Variants in GRIK2 observed in about 807,000 individuals in gnomAD.
GRIK2 encodes the protein glutamate ionotropic receptor kainate type subunit 2.
In GRIK2, 32 loss-of-function variants were observed where a neutral mutation model predicts 100.3. That is an observed-to-expected ratio of 0.32 (90% confidence interval 0.24 to 0.43). The LOEUF is 0.43. GRIK2 is among the 20% of genes least tolerant of loss of function. The pLI is 1.00. For missense variants in GRIK2, 843 were observed against 1,114.9 expected (o/e 0.76, Z 3.47); for synonymous variants, 417 against 389.4 (o/e 1.07, Z -0.83).
At chr6:102,067,527 A>T (rs972591302) in intron 16 of GRIK2, among the ~76,000 whole-genome samples, 1 of 151,742 alleles carries the variant, frequency 6.6e-6, no homozygotes. Flanking sequence ...TTTGTTTCAT[A>T]TATATGACTC....
At chr6:101,961,292 GCTCA>G (rs1202745269) in intron 14 of GRIK2, among the ~76,000 whole-genome samples, 1 of 152,110 alleles carries the variant, frequency 6.6e-6, no homozygotes, top group Non-Finnish European at 1.5e-5. Context: ...CAGCTTTGTG[GCTCA>G]CTCACCTGTA....
intron 2 of GRIK2, among the ~76,000 whole-genome samples, chr6:101,510,682 C>G (rs1774267021): frequency 6.6e-6 from 1 of 151,616 alleles, no homozygotes; most frequent in South Asian, 2.1e-4. Context: ...GCCACCATGC[C>G]CAGCTAATTT....
At chr6:101,606,201 T>C (rs1044560131) in intron 2 of GRIK2, among the ~76,000 whole-genome samples, 5 of 151,936 alleles carry the variant, frequency 3.3e-5, no homozygotes, top group African/African-American at 1.2e-4. Flanking sequence ...GGGACTTAGG[T>C]TGTGGTGCTG....
intron 2 of GRIK2, among the ~76,000 whole-genome samples, chr6:101,536,866 C>T (rs1055111970): frequency 2.6e-5 from 4 of 151,550 alleles, no homozygotes; most frequent in South Asian, 4.2e-4. Flanking sequence ...AATCAATGTC[C>T]CATTATTGCA....
intron 7 of GRIK2, among the ~76,000 whole-genome samples, chr6:101,707,456 T>C (rs1259364797): frequency 6.8e-6 from 1 of 146,544 alleles, no homozygotes; most frequent in Admixed American, 6.9e-5. Flanking sequence ...ACAATTCTTT[T>C]ATATATATTA....
chr6:101,699,062 T>C (rs907490370), intron 7 of GRIK2, among the ~76,000 whole-genome samples: 10 of 152,048 alleles, frequency 6.6e-5, no homozygotes, highest in African/African-American at 2.4e-4. Context: ...CAGGTTTCAT[T>C]GTAAGATGCT....
chr6:102,056,936 C>T (rs1771491875), intron 16 of GRIK2, among the ~76,000 whole-genome samples: 1 of 151,978 alleles, frequency 6.6e-6, no homozygotes, highest in African/African-American at 2.4e-5. Flanking sequence ...TTTGTTTTCA[C>T]AACACATTCA....
intron 15 of GRIK2, among the ~76,000 whole-genome samples, chr6:102,040,607 G>A (rs1485411925): frequency 6.6e-6 from 1 of 151,610 alleles, no homozygotes; most frequent in Admixed American, 6.6e-5. Context: ...GGTAAGAGAT[G>A]TAGAATTGGT....
At chr6:101,848,762 G>A (rs953176213) in intron 10 of GRIK2, among the ~76,000 whole-genome samples, 1 of 152,052 alleles carries the variant, frequency 6.6e-6, no homozygotes, top group African/African-American at 2.4e-5. Flanking sequence ...TTCTCATGGT[G>A]TTTATAAGCT....
At chr6:102,022,733 A>G (rs1769494975) in intron 14 of GRIK2, among the ~76,000 whole-genome samples, 1 of 151,572 alleles carries the variant, frequency 6.6e-6, no homozygotes, top group African/African-American at 2.4e-5. Context: ...TTGCCATTGT[A>G]CCTTCATCAC....
At chr6:101,587,688 A>T (rs1433363399) in intron 2 of GRIK2, among the ~76,000 whole-genome samples, 1 of 152,176 alleles carries the variant, frequency 6.6e-6, no homozygotes, top group Non-Finnish European at 1.5e-5. Context: ...AGAAAGCAAC[A>T]TTGGAGGCTA....
At chr6:101,581,008 A>G (rs530109051) in intron 2 of GRIK2, among the ~76,000 whole-genome samples, 2 of 151,940 alleles carry the variant, frequency 1.3e-5, no homozygotes, top group South Asian at 2.1e-4. Context: ...TCTATATTTT[A>G]CTTATTTTTC....
At chr6:101,731,663 G>A (rs1775279388) in intron 7 of GRIK2, among the ~76,000 whole-genome samples, 1 of 151,834 alleles carries the variant, frequency 6.6e-6, no homozygotes, top group Non-Finnish European at 1.5e-5. Context: ...ACTCACATGG[G>A]AACCAGGAAA....
At chr6:101,547,639 G>A (rs556253902) in intron 2 of GRIK2, among the ~76,000 whole-genome samples, 11 of 152,256 alleles carry the variant, frequency 7.2e-5, no homozygotes, top group African/African-American at 2.6e-4. Flanking sequence ...TCCCTACAAA[G>A]GACATGAACT....
intron 2 of GRIK2, among the ~76,000 whole-genome samples, chr6:101,414,971 T>C (rs933049271): frequency 6.9e-6 from 1 of 144,312 alleles, no homozygotes; most frequent in Non-Finnish European, 1.5e-5. Context: ...TGTATGTGTG[T>C]GTGGTGTGTG....
At chr6:102,065,735 CG>C (rs528014103) in intron 16 of GRIK2, 5 of 1,011,604 alleles carry the variant, frequency 4.9e-6, no homozygotes, top group Non-Finnish European at 7.2e-6. Flanking sequence ...TAAATGTCAA[CG>C]GGATCAAGTT....
At chr6:101,855,975 C>A (rs1169711678) in intron 10 of GRIK2, among the ~76,000 whole-genome samples, 2 of 152,092 alleles carry the variant, frequency 1.3e-5, no homozygotes, top group Non-Finnish European at 2.9e-5. Flanking sequence ...GCAGGATTTA[C>A]AAAGGATAAA....
intron 14 of GRIK2, among the ~76,000 whole-genome samples, chr6:102,008,729 A>G (rs1352715136): frequency 6.6e-6 from 1 of 152,144 alleles, no homozygotes; most frequent in East Asian, 1.9e-4. Context: ...AATCCATAGC[A>G]AACTCCTAGT....
chr6:101,673,497 C>T (rs1582935402), intron 4 of GRIK2, among the ~76,000 whole-genome samples: 1 of 152,134 alleles, frequency 6.6e-6, no homozygotes, highest in South Asian at 2.1e-4. Context: ...TGAAGCAGCC[C>T]CGTGCTTGCA....
Sources: gnomAD v4.1 joint callset for allele counts (sites outside exome capture counted in the v4.1 genomes callset) on GRCh38, gnomAD v4.1.1 for gene constraint, MANE v1.5 for transcripts, NCBI Gene and HGNC (gene_info 2026-07-23, HGNC 2026-07-21) for gene names.